The following PTPRS variants were observed in gnomAD, a reference collection of about 807,000 sequenced individuals.
PTPRS encodes protein tyrosine phosphatase receptor type S.
A neutral mutation model predicts 215.3 loss-of-function variants in PTPRS; 63 were observed. The ratio of observed to expected loss-of-function variants is 0.29; its 90% CI spans 0.24 to 0.36. The LOEUF is 0.36. Among genes scored for constraint, PTPRS ranks in the 10% least tolerant of loss-of-function variants. The pLI is 1.00. For synonymous variants in PTPRS, 1,404 were observed against 1,191.4 expected, an observed-to-expected ratio of 1.18 and a Z score of -3.68; for missense variants, 2,258 against 2,825.8, an observed-to-expected ratio of 0.80 and a Z score of 4.56.
At chr19:5,235,033 C>T (rs1046181830) in intron 13 of PTPRS, among the ~76,000 whole-genome samples, 7 of 151,030 alleles carry the variant, frequency 4.6e-5, no homozygotes, top group East Asian at 3.9e-4. Context: ...CTCTGCTGCT[C>T]GGGTTCACGC....
At position 5,234,947 on chromosome 19, in the gene PTPRS, T is replaced by C. The variant is rs565598804; in HGVS notation, c.1850-3332A>G. Among the ~76,000 whole-genome samples, 126 of 141,776 alleles carry C rather than the reference T, an allele frequency of 8.9e-4. 1 individual carries two copies. The highest frequency in any genetic ancestry group is 6.4e-3 in the East Asian group (33 of 5,170). The allele number at this position is 141,776 out of a possible 152,430, so 93.0% of individuals were successfully genotyped here. A position where few individuals can be genotyped will look rare whatever the true frequency, so the allele number is the denominator to read the frequency against. On this transcript the variant is annotated intron_variant, in intron 13 of 37. Transcript: ENST00000262963. ...ATAGTTTTCATTTCTTTCTTTCTTT[T>C]TTTTTTTTTTTTTGAGACAGTCTTG...
Position 5,297,390 on chromosome 19 carries a change from CTCAT to C in PTPRS, c.-94-11160_-94-11157del, listed in dbSNP as rs151019466. Among the ~76,000 whole-genome samples, 503 of 152,332 alleles carry C rather than the reference CTCAT, an allele frequency of 3.3e-3. 2 individuals carry two copies. Among genetic ancestry groups the C allele is most frequent in the African/African-American group, 0.012 (481 of 41,570 alleles). ...AGAGAAACTGTTTCATGCGGCCGTT[CTCAT>C]TCATTCTTTCCCTGTACATGTGCTG... On this transcript the variant is annotated intron_variant, in intron 1 of 37. Coordinates refer to ENST00000262963, the MANE Select transcript of PTPRS (RefSeq NM_002850.4).
chr19:5,224,157 C>G lies in PTPRS; in HGVS notation c.2495-860G>C, dbSNP rs927530622. Among the ~76,000 whole-genome samples the G allele has an allele frequency of 5.8e-5, 8 of 138,168 alleles. No homozygotes were observed. The South Asian group carries it at 2.0e-3, about 34-fold the overall frequency. 90.6% of individuals were successfully genotyped at this position (138,168 alleles called of 152,430 possible). ...TCGTGCCACTGCACTCCAGCCCGGG[C>G]AACAGAGCAAGACTCCGTCTTAAAA... is the stretch of plus-strand genomic sequence containing the variant. On this transcript the variant is annotated intron_variant, in intron 17 of 37. Coordinates refer to ENST00000262963, the MANE Select transcript of PTPRS (RefSeq NM_002850.4).
intron 1 of PTPRS, among the ~76,000 whole-genome samples, chr19:5,301,704 C>A (rs1344908838): frequency 1.3e-5 from 2 of 152,040 alleles, no homozygotes; most frequent in African/African-American, 4.8e-5. Flanking sequence ...TCTACACCCA[C>A]CAGTCCCCAG....
At chr19:5,222,000 G>A in intron 19 of PTPRS, 123 bp downstream of exon 19, 1 of 759,376 alleles carries the variant, frequency 1.3e-6, no homozygotes, top group Non-Finnish European at 2.3e-6. Context: ...TCCTAGCTGA[G>A]ACCCATCTCT....
intron 30 of PTPRS, among the ~76,000 whole-genome samples, 156 bp downstream of exon 30, chr19:5,214,205 C>A (rs377000579): frequency 6.6e-6 from 1 of 152,332 alleles, no homozygotes; most frequent in East Asian, 1.9e-4. Flanking sequence ...TCCCCCTCCA[C>A]GGAAGTGGGT....
At chr19:5,222,668 C>G in intron 18 of PTPRS, 21 bp downstream of exon 18, 2 of 1,535,268 alleles carry the variant, frequency 1.3e-6, no homozygotes, top group Non-Finnish European at 1.7e-6. Context: ...GGCTCTGGTG[C>G]AGGGGTCGCC....
rs1491188046 is a variant in PTPRS at position 5,305,765 on chromosome 19, A to ATATATAT, written c.-94-19532_-94-19531insATATATA. ...TAAATAAATATATATATATATATAT[A>ATATATAT]TTTTTTTTTTAAAGGCAAATTCCAA... On this transcript the variant is annotated intron_variant, in intron 1 of 37. Coordinates refer to ENST00000262963, the MANE Select transcript of PTPRS (RefSeq NM_002850.4). 1.1e-4 allele frequency among the ~76,000 whole-genome samples: 10 copies of ATATATAT among 93,440 alleles called. 1 individual carries two copies. Among genetic ancestry groups the ATATATAT allele is most frequent in the African/African-American group, 1.8e-4 (4 of 22,054 alleles). The allele number at this position is 93,440 out of a possible 152,430, so 61.3% of individuals were successfully genotyped here. A position where few individuals can be genotyped will look rare whatever the true frequency, so the allele number is the denominator to read the frequency against.
At position 5,258,002 on chromosome 19, in the gene PTPRS, C is replaced by A; in HGVS notation, c.706+15G>T. 6.2e-7 allele frequency: 1 copy of A among 1,607,088 alleles called. No homozygotes were observed. The highest frequency in any genetic ancestry group is 8.5e-7 in the Non-Finnish European group (1 of 1,175,040). The stretch of plus-strand genomic sequence containing the variant: ...GGCGGGTCCCTGCCTTTGACCTGGA[C>A]GCGGCGTTCCCTACCTCGCACGTAG... On this transcript the variant is annotated intron_variant, in intron 8 of 37. Transcript: ENST00000262963.
At chr19:5,305,446 C>T (rs2049450338) in intron 1 of PTPRS, among the ~76,000 whole-genome samples, 1 of 152,088 alleles carries the variant, frequency 6.6e-6, no homozygotes, top group South Asian at 2.1e-4. Context: ...ACTCAGGAGG[C>T]TGAAGCAGGA....
At chr19:5,318,764 C>T (rs373992333) in intron 1 of PTPRS, among the ~76,000 whole-genome samples, 3 of 152,142 alleles carry the variant, frequency 2.0e-5, no homozygotes, top group Non-Finnish European at 2.9e-5. Context: ...GTGATCCTCC[C>T]GTCTCAACCT....
At position 5,295,912 on chromosome 19, in the gene PTPRS, G is replaced by A. The variant is rs1318435631; in HGVS notation, c.-94-9678C>T. On this transcript the variant is annotated intron_variant, in intron 1 of 37. Transcript: ENST00000262963. The surrounding 1 kb of genome is among the most constrained non-coding windows in gnomAD (Gnocchi z 4.6). ...TTGGACTACAGGCACATGCCACCAC[G>A]TCTGGCTAATTTTTGGATTTTTTTG... Among the ~76,000 whole-genome samples, 2 of 152,030 alleles carry A rather than the reference G, an allele frequency of 1.3e-5. No individual in the cohort carries two copies. The highest frequency in any genetic ancestry group is 6.5e-5 in the Admixed American group (1 of 15,272).
Position 5,206,355 on chromosome 19 carries a change from CCA to C in PTPRS, c.*417_*418del. ...AAGAAAGCTGGATTCTGGTCCCAGCCCAGTGTCCCCAGGCTGCAGAGCGGGGA... is the reference window on the plus strand; with the variant it reads ...AAGAAAGCTGGATTCTGGTCCCAGCCGTGTCCCCAGGCTGCAGAGCGGGGA... On this transcript the variant is annotated 3_prime_UTR_variant, in exon 38 of 38. Transcript: ENST00000262963. 2 of 235,698 alleles carry C rather than the reference CCA, an allele frequency of 8.5e-6. No homozygotes were observed. The highest frequency in any genetic ancestry group is 1.7e-5 in the Non-Finnish European group (2 of 120,122). The allele number at this position is 235,698 out of a possible 1,614,324, so 14.6% of individuals were successfully genotyped here.
intron 1 of PTPRS, among the ~76,000 whole-genome samples, chr19:5,334,033 G>C (rs886975546): frequency 2.0e-5 from 3 of 151,640 alleles, no homozygotes; most frequent in African/African-American, 7.3e-5. Flanking sequence ...GCCACATGTG[G>C]AGTCCCTGGA....
intron 10 of PTPRS, among the ~76,000 whole-genome samples, 154 bp downstream of exon 10, chr19:5,245,622 T>C (rs1259242086): frequency 6.6e-6 from 1 of 152,208 alleles, no homozygotes; most frequent in African/African-American, 2.4e-5. Flanking sequence ...AAATAATACC[T>C]GTTCAAAGAA....
At chr19:5,231,730 C>T in intron 13 of PTPRS, 115 bp from the exon 14 acceptor site, 1 of 350,496 alleles carries the variant, frequency 2.9e-6, no homozygotes, top group Non-Finnish European at 5.4e-6. Context: ...TGATAACAAA[C>T]AAAACAGAAC....
intron 1 of PTPRS, among the ~76,000 whole-genome samples, chr19:5,330,735 G>A (rs528079892): frequency 1.1e-4 from 16 of 152,184 alleles, no homozygotes; most frequent in Non-Finnish European, 2.4e-4. Context: ...GTCAGGATCC[G>A]AACCTGGGGC....
intron 1 of PTPRS, among the ~76,000 whole-genome samples, chr19:5,320,454 G>T (rs938676920): frequency 6.6e-6 from 1 of 152,140 alleles, no homozygotes; most frequent in African/African-American, 2.4e-5. Context: ...TAATTGAGAC[G>T]GAGTTCGCTC....
At position 5,283,962 on chromosome 19, in the gene PTPRS, C is replaced by T. The variant is rs188403604; in HGVS notation, c.91+2088G>A. 3.4e-3 allele frequency among the ~76,000 whole-genome samples: 521 copies of T among 152,210 alleles called. 4 individuals are homozygous for T. Among genetic ancestry groups the T allele is most frequent in the Admixed American group, 8.9e-3 (136 of 15,266 alleles). On this transcript the variant is annotated intron_variant, in intron 2 of 37. Coordinates refer to ENST00000262963, the MANE Select transcript of PTPRS (RefSeq NM_002850.4). Reference sequence around the variant, plus strand: ...AGGCACTGGGACTCACGCCTGTAATCCCAGTACTTTGGGAGGCTGAGGTGG... The same window carrying T: ...AGGCACTGGGACTCACGCCTGTAATTCCAGTACTTTGGGAGGCTGAGGTGG...
Sources: gnomAD v4.1 joint callset for allele counts (sites outside exome capture counted in the v4.1 genomes callset) on GRCh38, gnomAD v4.1.1 for gene constraint, Gnocchi (gnomAD v3.1) non-coding constraint, MANE v1.5 for transcripts, NCBI Gene and HGNC (gene_info 2026-07-23, HGNC 2026-07-21) for gene names.